GPHN: variants seen among roughly 807,000 people sequenced by gnomAD.
The protein encoded by GPHN is gephyrin.
Under a neutral mutation model 95.5 loss-of-function variants are expected in GPHN, and 17 were observed. The observed-to-expected ratio is 0.18, with a 90% CI of 0.12 to 0.27. The LOEUF (loss-of-function observed/expected upper bound fraction) is 0.27, where lower values mean the gene tolerates loss of function less well. GPHN is among the 10% of genes least tolerant of loss of function. The pLI, the probability that GPHN is intolerant of heterozygous loss-of-function variation, is 1.00. For synonymous variants in GPHN, 320 were observed against 322.5 expected, an observed-to-expected ratio of 0.99 and a Z score of 0.08; for missense variants, 660 against 978.1, an observed-to-expected ratio of 0.67 and a Z score of 4.34.
At chr14:66,763,168 G>C (rs1175475089) in intron 2 of GPHN, among the ~76,000 whole-genome samples, 1 of 150,572 alleles carries the variant, frequency 6.6e-6, no homozygotes, top group East Asian at 1.9e-4. Flanking sequence ...AATATTTAGA[G>C]AAAGACAATA....
At chr14:67,680,566 C>T in the GPHN span, among the ~76,000 whole-genome samples, 49 of 152,304 alleles carry the variant, frequency 3.2e-4, no homozygotes, top group African/African-American at 1.2e-3. Flanking sequence ...TCAGGTGATC[C>T]TCCTATCTCA....
chr14:66,911,808 T>C (rs2065686657), intron 5 of GPHN, among the ~76,000 whole-genome samples: 2 of 152,090 alleles, frequency 1.3e-5, no homozygotes, highest in Non-Finnish European at 2.9e-5. Context: ...TTACTCTTTT[T>C]GTATTAAACT....
chr14:67,567,048 T>C, the GPHN span, among the ~76,000 whole-genome samples: 8 of 152,260 alleles, frequency 5.3e-5, no homozygotes, highest in Admixed American at 5.2e-4. Flanking sequence ...TAAGGAGATC[T>C]CATCCTGTTT....
chr14:67,140,291 G>A (rs2080373033), intron 17 of GPHN, among the ~76,000 whole-genome samples: 1 of 151,858 alleles, frequency 6.6e-6, no homozygotes, highest in African/African-American at 2.4e-5. Flanking sequence ...GACTGAGGCA[G>A]GAGAATCGCA....
At chr14:66,790,311 AC>A (rs1389908835) in intron 3 of GPHN, among the ~76,000 whole-genome samples, 1 of 152,174 alleles carries the variant, frequency 6.6e-6, no homozygotes. Flanking sequence ...GGCAAAGGTT[AC>A]CCAAAGATCA....
intron 3 of GPHN, among the ~76,000 whole-genome samples, chr14:66,793,347 T>C (rs1307791883): frequency 1.3e-5 from 2 of 152,178 alleles, no homozygotes; most frequent in African/African-American, 4.8e-5. Flanking sequence ...ACAAAGAAGA[T>C]GGGTGGAAGC....
the GPHN span, among the ~76,000 whole-genome samples, chr14:67,264,932 A>G: frequency 6.8e-6 from 1 of 146,398 alleles, no homozygotes; most frequent in Non-Finnish European, 1.6e-5. Context: ...GTCAGGAATC[A>G]TATTTTTTTT....
chr14:67,687,467 C>CT, the GPHN span, among the ~76,000 whole-genome samples: 83 of 79,684 alleles, frequency 1.0e-3, 2 homozygotes, highest in African/African-American at 3.1e-3. Context: ...CTCCATATTC[C>CT]TTTTTTTTTT....
At chr14:66,687,481 A>ATTTGGTTTTTTTTTTTTTTTTTTTTTTTT (rs1566819669) in intron 2 of GPHN, among the ~76,000 whole-genome samples, 1 of 114,424 alleles carries the variant, frequency 8.7e-6, no homozygotes, top group African/African-American at 3.3e-5. Context: ...TCTTTATTTT[A>ATTTGGTTTTTTTTTTTTTTTTTTTTTTTT]TTTGGTTTTT....
At chr14:67,284,681 C>T in the GPHN span, among the ~76,000 whole-genome samples, 1 of 149,012 alleles carries the variant, frequency 6.7e-6, no homozygotes, top group African/African-American at 2.5e-5. Flanking sequence ...TTGACAACCA[C>T]GAATATACTT....
intron 21 of GPHN, among the ~76,000 whole-genome samples, chr14:67,172,461 C>G (rs552521074): frequency 6.6e-6 from 1 of 152,236 alleles, no homozygotes; most frequent in South Asian, 2.1e-4. Context: ...CACCCTCTAT[C>G]CCAGAGAAAA....
intron 8 of GPHN, among the ~76,000 whole-genome samples, chr14:66,934,302 T>C (rs928154126): frequency 6.6e-6 from 1 of 152,224 alleles, no homozygotes; most frequent in Non-Finnish European, 1.5e-5. Flanking sequence ...TTGCTACTTA[T>C]TGCAAAATTA....
At chr14:67,453,487 C>T in the GPHN span, among the ~76,000 whole-genome samples, 1 of 152,232 alleles carries the variant, frequency 6.6e-6, no homozygotes, top group Non-Finnish European at 1.5e-5. Context: ...AATCCTTGAA[C>T]AACCTTTCCT....
chr14:67,522,131 C>T, the GPHN span, among the ~76,000 whole-genome samples: 2 of 152,172 alleles, frequency 1.3e-5, no homozygotes, highest in African/African-American at 4.8e-5. Flanking sequence ...TGAGATCGTG[C>T]CACTGCACTC....
intron 5 of GPHN, among the ~76,000 whole-genome samples, chr14:66,894,096 A>G (rs1270691180): frequency 6.6e-6 from 1 of 152,164 alleles, no homozygotes; most frequent in East Asian, 1.9e-4. Flanking sequence ...GCCTCACACT[A>G]CCAGACTTCA....
intron 18 of GPHN, among the ~76,000 whole-genome samples, chr14:67,153,544 A>C (rs2081404349): frequency 6.6e-6 from 1 of 152,102 alleles, no homozygotes; most frequent in African/African-American, 2.4e-5. Context: ...CCCCACCATC[A>C]CATTGGGATT....
At chr14:67,524,539 C>T in the GPHN span, among the ~76,000 whole-genome samples, 2 of 152,066 alleles carry the variant, frequency 1.3e-5, no homozygotes, top group East Asian at 1.9e-4. Flanking sequence ...TCCTGCAGTC[C>T]GACCAATGGA....
chr14:66,808,808 A>G (rs1238858177), intron 3 of GPHN, among the ~76,000 whole-genome samples: 3 of 152,206 alleles, frequency 2.0e-5, no homozygotes, highest in African/African-American at 4.8e-5. Flanking sequence ...AAAAATATGT[A>G]TATATTTTAG....
intron 1 of GPHN, among the ~76,000 whole-genome samples, chr14:66,662,119 G>A (rs1255055828): frequency 6.6e-6 from 1 of 152,116 alleles, no homozygotes; most frequent in Non-Finnish European, 1.5e-5. Flanking sequence ...GCTAACTAGG[G>A]GCAGAAGTGG....
Sources: allele counts gnomAD v4.1 joint callset (sites outside exome capture counted in the v4.1 genomes callset), GRCh38; gene constraint gnomAD v4.1.1; transcripts MANE v1.5; gene names NCBI Gene and HGNC (gene_info 2026-07-23, HGNC 2026-07-21).